The following WDR12 variants were observed in gnomAD, a reference collection of about 807,000 sequenced individuals.
WDR12 encodes the protein ribosome biogenesis protein WDR12.
In WDR12, 42 loss-of-function variants were observed where a neutral mutation model predicts 64.3. The observed-to-expected ratio is 0.65, with a 90% CI of 0.51 to 0.84. The LOEUF is 0.84. Among genes scored for constraint, WDR12 ranks in the 40% least tolerant of loss-of-function variants. The probability of loss-of-function intolerance (pLI) is 0.00; values close to 1 mark genes in which losing one functional copy is unlikely to be tolerated. For synonymous variants in WDR12, 158 were observed against 173.3 expected, an observed-to-expected ratio of 0.91 and a Z score of 0.70; for missense variants, 469 against 494.6, an observed-to-expected ratio of 0.95 and a Z score of 0.49.
intron 1 of WDR12, 138 bp downstream of exon 1, chr2:202,911,298 A>C: frequency 1.2e-6 from 1 of 803,048 alleles, no homozygotes; most frequent in South Asian, 1.5e-5. Context: ...GAACCTACGA[A>C]GCTGGTTAGA....
chr2:202,884,090 C>T (rs1688002839), intron 10 of WDR12, 108 bp downstream of exon 10: 2 of 1,111,940 alleles, frequency 1.8e-6, no homozygotes, highest in African/African-American at 1.6e-5. Flanking sequence ...GGATTACAGG[C>T]ATGAGCCACC....
At chr2:202,899,456 T>C (rs1688311410) in intron 4 of WDR12, 75 bp downstream of exon 4, 1 of 1,252,928 alleles carries the variant, frequency 8.0e-7, no homozygotes. Context: ...GAAAAATATG[T>C]ATATATGGAT....
intron 12 of WDR12, 46 bp downstream of exon 12, chr2:202,882,665 T>A: frequency 1.0e-5 from 16 of 1,575,066 alleles, no homozygotes; most frequent in Non-Finnish European, 1.4e-5. Context: ...ACACCAGATT[T>A]ATTCTAGTCA....
At chr2:202,882,624 G>T in intron 12 of WDR12, 87 bp downstream of exon 12, 1 of 1,403,630 alleles carries the variant, frequency 7.1e-7, no homozygotes, top group Non-Finnish European at 1.0e-6. Context: ...CACTGCACCC[G>T]GCCCGAAACT....
At position 202,880,547 on chromosome 2, in the gene WDR12, C is replaced by CA. The variant is rs1225171878; in HGVS notation, c.*312dup. The CA allele has an allele frequency of 0.058, 5,909 of 102,526 alleles. 208 individuals carry two copies. Among genetic ancestry groups the CA allele is most frequent in the African/African-American group, 0.16 (3,900 of 24,628 alleles). The allele number at this position is 102,526 out of a possible 1,614,324, so 6.4% of individuals were successfully genotyped here. A position where few individuals can be genotyped will look rare whatever the true frequency, so the allele number is the denominator to read the frequency against. ...TAGGCAACAGAGCAAGACTCCATCT[C>CA]AAAAAAAAAAAAAACAAATAAAAAT... On this transcript the variant is annotated 3_prime_UTR_variant, in exon 13 of 13. Coordinates refer to ENST00000261015, the MANE Select transcript of WDR12 (RefSeq NM_018256.4).
At chr2:202,892,581 C>T in intron 8 of WDR12, 36 bp downstream of exon 8, 1 of 1,492,652 alleles carries the variant, frequency 6.7e-7, no homozygotes, top group South Asian at 1.2e-5. Flanking sequence ...CAACACAGGC[C>T]TAAGGCAAGT....
chr2:202,881,758 C>T (rs529874901), intron 12 of WDR12, among the ~76,000 whole-genome samples: 20 of 152,028 alleles, frequency 1.3e-4, no homozygotes, highest in East Asian at 5.8e-4. Context: ...CACATGGGGG[C>T]GGGAGGATTG....
chr2:202,901,459 A>G (rs1688347674), intron 2 of WDR12, among the ~76,000 whole-genome samples: 1 of 152,316 alleles, frequency 6.6e-6, no homozygotes, highest in South Asian at 2.1e-4. Context: ...TTTTAAAGCA[A>G]ATCTCAGAAA....
At chr2:202,906,670 C>T (rs956905102) in intron 2 of WDR12, among the ~76,000 whole-genome samples, 39 of 152,232 alleles carry the variant, frequency 2.6e-4, no homozygotes, top group African/African-American at 8.9e-4. Flanking sequence ...TCGAGACCAG[C>T]CTCGCCAAAT....
At chr2:202,907,006 T>C (rs930596173) in intron 2 of WDR12, among the ~76,000 whole-genome samples, 7 of 151,296 alleles carry the variant, frequency 4.6e-5, no homozygotes, top group Admixed American at 1.3e-4. Flanking sequence ...TGGAGTGCAA[T>C]GGTGCGATCT....
chr2:202,884,059 C>T, intron 10 of WDR12, 139 bp downstream of exon 10: 1 of 817,600 alleles, frequency 1.2e-6, no homozygotes, highest in Non-Finnish European at 1.9e-6. Flanking sequence ...GATCTGCCCG[C>T]CTCGGCCTCT....
At chr2:202,895,517 CTTT>C (rs901435872) in intron 6 of WDR12, among the ~76,000 whole-genome samples, 53 of 111,484 alleles carry the variant, frequency 4.8e-4, no homozygotes, top group Admixed American at 1.5e-3. Context: ...TCATTTCTTT[CTTT>C]TTTTTTTTTT....
intron 2 of WDR12, among the ~76,000 whole-genome samples, chr2:202,905,327 G>A (rs1688434939): frequency 6.6e-6 from 1 of 152,212 alleles, no homozygotes; most frequent in African/African-American, 2.4e-5. Flanking sequence ...TGTATTTGTA[G>A]TAGAGATGGG....
chr2:202,891,637 A>C (rs1688158566), intron 8 of WDR12, among the ~76,000 whole-genome samples: 1 of 152,142 alleles, frequency 6.6e-6, no homozygotes, highest in South Asian at 2.1e-4. Context: ...CATTTTATTC[A>C]TTTTCAACAA....
chr2:202,902,948 A>G (rs1688375725), intron 2 of WDR12, among the ~76,000 whole-genome samples: 4 of 152,084 alleles, frequency 2.6e-5, no homozygotes, highest in African/African-American at 9.7e-5. Flanking sequence ...GTGTGGTGGC[A>G]CGCGCCTGTA....
In WDR12 at chr2:202,911,442, T is replaced by G. The variant is rs1285931368; in HGVS notation, c.35A>C (p.Asn12Thr). 6.2e-7 allele frequency: 1 copy of G among 1,614,000 alleles called. No homozygotes were observed. The highest frequency in any genetic ancestry group is 8.5e-7 in the Non-Finnish European group (1 of 1,180,004). ...AQLQTRFYTD[N>T]KKYAVDDVPF... is the part of the protein sequence containing the mutation. ...GGCTGGAACGCTTACTTACTTCTTG[T>G]TATCAGTGTAGAAGCGTGTTTGGAG... Residue 12 changes from asparagine (N) to threonine (T), a missense_variant, in exon 1 of 13, where the codon AAC becomes ACC. Physicochemically the swap from Asn to Thr is moderately conservative, Grantham distance 65. Transcript: ENST00000261015.
chr2:202,875,733 T>C lies in WDR12; in HGVS notation c.*5127A>G, dbSNP rs1281422201. The stretch of plus-strand genomic sequence containing the variant: ...GCAAGTGAAGACACTTCCACACTCA[T>C]TCTTTCCATTTATAAAAACATCATT... On this transcript the variant is annotated 3_prime_UTR_variant, in exon 13 of 13. Coordinates refer to ENST00000261015, the MANE Select transcript of WDR12 (RefSeq NM_018256.4). 1 of 152,192 alleles carries C rather than the reference T, an allele frequency of 6.6e-6. No homozygotes were observed. The highest frequency in any genetic ancestry group is 1.5e-5 in the Non-Finnish European group (1 of 68,034). 9.4% of individuals were successfully genotyped at this position (152,192 alleles called of 1,614,324 possible).
chr2:202,889,759 A>G lies in WDR12; in HGVS notation c.741+2858T>C, dbSNP rs909792290. On this transcript the variant is annotated intron_variant, in intron 8 of 12. Coordinates refer to ENST00000261015, the MANE Select transcript of WDR12 (RefSeq NM_018256.4). ...ACAAGACCCCATCTCTTTAAAAAAA[A>G]AAAAAATTAGCCAGGGCATGGTGGC... Among the ~76,000 whole-genome samples the G allele has an allele frequency of 2.0e-5, 3 of 151,904 alleles. No homozygotes were observed. The South Asian group carries it at 6.3e-4, about 32-fold the overall frequency.
rs1304933541 is a variant in WDR12, at chr2:202,878,138, G to C, written c.*2722C>G. On this transcript the variant is annotated 3_prime_UTR_variant, in exon 13 of 13. Transcript: ENST00000261015. ...TCTCAAGGAAGAATGCCTGAACTAT[G>C]AATGTATTCTGCTGTGGAACCAGGA... The C allele has an allele frequency of 1.3e-5, 2 of 152,210 alleles. No homozygotes were observed. Among genetic ancestry groups the C allele is most frequent in the Non-Finnish European group, 2.9e-5 (2 of 68,066 alleles). 9.4% of individuals were successfully genotyped at this position (152,210 alleles called of 1,614,324 possible). A position where few individuals can be genotyped will look rare whatever the true frequency, so the allele number is the denominator to read the frequency against.
Sources: allele counts gnomAD v4.1 joint callset (sites outside exome capture counted in the v4.1 genomes callset), GRCh38; gene constraint gnomAD v4.1.1; transcripts MANE v1.5; gene names NCBI Gene and HGNC (gene_info 2026-07-23, HGNC 2026-07-21).